Variants in USP40 observed in about 807,000 individuals in gnomAD.
USP40 encodes ubiquitin specific peptidase 40, also known as ubiquitin carboxyl-terminal hydrolase 40.
In USP40, 143 loss-of-function variants were observed where a neutral mutation model predicts 166.2. That is an observed-to-expected ratio of 0.86 (90% CI 0.75 to 0.99). USP40 has a LOEUF of 0.99. Among genes scored for constraint, USP40 ranks in the 50% least tolerant of loss-of-function variants. The pLI is 0.00. For synonymous variants in USP40, 498 were observed against 524.0 expected, an observed-to-expected ratio of 0.95 and a Z score of 0.68; for missense variants, 1,444 against 1,479.7, an observed-to-expected ratio of 0.98 and a Z score of 0.40.
At chr2:233,534,907 C>T (rs1050814712) in intron 10 of USP40, among the ~76,000 whole-genome samples, 1 of 152,134 alleles carries the variant, frequency 6.6e-6, no homozygotes, top group African/African-American at 2.4e-5. Flanking sequence ...TTAGACTAAT[C>T]TTCCTAATAA....
intron 21 of USP40, among the ~76,000 whole-genome samples, chr2:233,505,138 C>T (rs1575250450): frequency 6.6e-6 from 1 of 151,996 alleles, no homozygotes; most frequent in Non-Finnish European, 1.5e-5. Flanking sequence ...TTTAAAATGC[C>T]TTGAGACTAA....
chr2:233,549,816 T>C (rs912439251), intron 7 of USP40, among the ~76,000 whole-genome samples: 1 of 152,126 alleles, frequency 6.6e-6, no homozygotes, highest in Non-Finnish European at 1.5e-5. Context: ...AGAGGCAGTT[T>C]AGTGGAAGAG....
intron 2 of USP40, 70 bp downstream of exon 2, chr2:233,565,286 T>C (rs982201662): frequency 2.5e-6 from 3 of 1,185,454 alleles, no homozygotes; most frequent in Non-Finnish European, 3.5e-6. Flanking sequence ...CTATTTGTGA[T>C]TTTGCATAAT....
intron 12 of USP40, among the ~76,000 whole-genome samples, chr2:233,528,774 G>A (rs1351296111): frequency 1.3e-5 from 2 of 151,932 alleles, no homozygotes; most frequent in African/African-American, 4.8e-5. Context: ...ACATAATCAG[G>A]CAGTTTGGTC....
rs2064197610 is a variant in USP40 at position 233,476,736 on chromosome 2, C to CT, written c.*655dup. 2 of 155,228 alleles carry CT rather than the reference C, an allele frequency of 1.3e-5. No homozygotes were observed. Among genetic ancestry groups the CT allele is most frequent in the Admixed American group, 1.2e-4 (2 of 16,012 alleles). 9.6% of individuals were successfully genotyped at this position (155,228 alleles called of 1,614,324 possible). On this transcript the variant is annotated 3_prime_UTR_variant, in exon 32 of 32. Transcript: ENST00000678225. The stretch of plus-strand genomic sequence containing the variant: ...TGCGGGCTGACGTGCAGCGGCTGCC[C>CT]TTGCTTAGCAGAGCGACTCACCCTC...
At chr2:233,548,274 G>C (rs1462006611) in intron 8 of USP40, among the ~76,000 whole-genome samples, 3 of 152,130 alleles carry the variant, frequency 2.0e-5, no homozygotes, top group African/African-American at 7.2e-5. Flanking sequence ...AACCATGAAA[G>C]ACATGACTAT....
At chr2:233,519,393 G>A (rs767137053) in intron 18 of USP40, 14 of 436,692 alleles carry the variant, frequency 3.2e-5, no homozygotes, top group Non-Finnish European at 5.5e-5. Context: ...TGGGGAAGGA[G>A]AGAAAGAATA....
At chr2:233,491,360 A>G in intron 25 of USP40, 99 bp from the exon 26 acceptor site, 1 of 906,590 alleles carries the variant, frequency 1.1e-6, no homozygotes, top group Non-Finnish European at 1.8e-6. Context: ...TAGGTTATTA[A>G]AATTCCACTC....
intron 30 of USP40, among the ~76,000 whole-genome samples, chr2:233,482,848 T>C (rs531616600): frequency 1.1e-3 from 163 of 152,280 alleles, no homozygotes; most frequent in Non-Finnish European, 1.6e-3. Flanking sequence ...GTGTGGGAGT[T>C]CCCACGGTCT....
rs527366660 is a variant in USP40, at chr2:233,556,869, C to T, written c.532G>A (p.Val178Ile). 31 of 1,609,520 alleles carry T rather than the reference C, an allele frequency of 1.9e-5. No homozygotes were observed. The highest frequency in any genetic ancestry group is 1.0e-4 in the South Asian group (9 of 89,396). The change falls in exon 5 of 32, where the codon GTT becomes ATT. Residue 178 changes from valine to isoleucine, a missense_variant. By Grantham distance (29) the Val-to-Ile change is conservative. Transcript: ENST00000678225. ...GGCATATTTACCTGCCTCTCGCTAACGTTCTTACATTCTTTACAAACAATC... is the reference window on the plus strand; with the variant it reads ...GGCATATTTACCTGCCTCTCGCTAATGTTCTTACATTCTTTACAAACAATC... ...NQIVCKECKN[V>I]SERQEDFLDL...
chr2:233,494,969 TA>T (rs2065649386), intron 24 of USP40, among the ~76,000 whole-genome samples: 1 of 67,272 alleles, frequency 1.5e-5, no homozygotes, highest in Non-Finnish European at 2.8e-5. Context: ...TATATATATA[TA>T]TATATATATA....
At chr2:233,563,777 T>C (rs887050335) in intron 2 of USP40, among the ~76,000 whole-genome samples, 1 of 152,196 alleles carries the variant, frequency 6.6e-6, no homozygotes, top group Non-Finnish European at 1.5e-5. Context: ...GGCTAAGCTA[T>C]ACAAGCAGTG....
At chr2:233,515,486 C>T (rs1402482242) in intron 18 of USP40, among the ~76,000 whole-genome samples, 2 of 151,662 alleles carry the variant, frequency 1.3e-5, no homozygotes, top group Non-Finnish European at 2.9e-5. Context: ...TTTTCCTGTA[C>T]TTACTGGTCA....
At chr2:233,527,369 C>T (rs1437367201) in intron 13 of USP40, 38 bp downstream of exon 13, 3 of 1,596,600 alleles carry the variant, frequency 1.9e-6, no homozygotes, top group Non-Finnish European at 2.6e-6. Flanking sequence ...GGAGATGGTG[C>T]TCGATGTCTG....
chr2:233,542,292 C>T lies in USP40; in HGVS notation c.1038G>A (p.Met346Ile). 4 of 1,555,010 alleles carry T rather than the reference C, an allele frequency of 2.6e-6. No individual in the cohort carries two copies. Among genetic ancestry groups the T allele is most frequent in the Non-Finnish European group, 3.5e-6 (4 of 1,150,506 alleles). The change falls in exon 9 of 32, where the codon ATG becomes ATA. Residue 346 changes from methionine to isoleucine, a missense_variant. Coordinates refer to ENST00000678225, the MANE Select transcript of USP40 (RefSeq NM_001365479.2). ...CCTCTAATAAGATTGCTTTTAGAAT[C>T]ATCAGTGGATGATCAATCTCTTCTT... ...QSEEEIDHPLMILKAILLEEE... is the reference protein window; with the variant it reads ...QSEEEIDHPLIILKAILLEEE...
intron 31 of USP40, among the ~76,000 whole-genome samples, chr2:233,478,684 G>A (rs2125011477): frequency 6.6e-6 from 1 of 152,334 alleles, no homozygotes; most frequent in Non-Finnish European, 1.5e-5. Flanking sequence ...CTGGAAGTGT[G>A]TGAGGTGGGC....
intron 29 of USP40, 57 bp from the exon 30 acceptor site, chr2:233,485,683 C>A (rs1470864): frequency 0.21 from 341,458 of 1,600,440 alleles, 38,731 homozygotes; most frequent in African/African-American, 0.4. Context: ...TTCTCACTAA[C>A]TTCTCTATCA....
intron 6 of USP40, 181 bp downstream of exon 6, chr2:233,554,199 T>C: frequency 1.7e-6 from 1 of 583,874 alleles, no homozygotes. Context: ...GGGTGAACTG[T>C]TGGGTTGAAA....
chr2:233,488,396 C>T, intron 27 of USP40, 92 bp from the exon 28 acceptor site: 2 of 1,246,012 alleles, frequency 1.6e-6, no homozygotes, highest in Non-Finnish European at 2.3e-6. Context: ...TTTTCTTAAG[C>T]AAAGAATTGT....
Sources: gnomAD v4.1 joint callset for allele counts (sites outside exome capture counted in the v4.1 genomes callset) on GRCh38, gnomAD v4.1.1 for gene constraint, MANE v1.5 for transcripts, NCBI Gene and HGNC (gene_info 2026-07-23, HGNC 2026-07-21) for gene names.